Variants in SLC4A4 observed in about 807,000 individuals in gnomAD.
SLC4A4 encodes the protein electrogenic sodium bicarbonate cotransporter 1.
In SLC4A4, 27 loss-of-function variants were observed where a neutral mutation model predicts 111.5. The ratio of observed to expected loss-of-function variants is 0.24; its 90% CI spans 0.18 to 0.33. SLC4A4 has a LOEUF of 0.33. Ranked by LOEUF, SLC4A4 falls within the 10% of genes least tolerant of loss-of-function variation. The pLI is 1.00. For missense variants in SLC4A4, 909 were observed against 1,315.5 expected, an observed-to-expected ratio of 0.69 and a Z score of 4.78; for synonymous variants, 443 against 463.4, an observed-to-expected ratio of 0.96 and a Z score of 0.57.
At chr4:71,438,587 A>G (rs1724381902) in intron 7 of SLC4A4, among the ~76,000 whole-genome samples, 1 of 152,236 alleles carries the variant, frequency 6.6e-6, no homozygotes, top group Non-Finnish European at 1.5e-5. Flanking sequence ...AAAGCTTAGA[A>G]GTCCTCAATT....
chr4:71,069,536 G>A (rs1335246095), intron 1 of SLC4A4, among the ~76,000 whole-genome samples: 2 of 152,096 alleles, frequency 1.3e-5, no homozygotes, highest in African/African-American at 4.8e-5. Context: ...TTCTTGTTAA[G>A]CTGCTGTTTA....
chr4:71,299,606 G>A (rs1028081767), intron 3 of SLC4A4, among the ~76,000 whole-genome samples: 3 of 152,206 alleles, frequency 2.0e-5, no homozygotes, highest in Non-Finnish European at 2.9e-5. Context: ...TCTCTGAGAT[G>A]AGTCAAGCCC....
intron 7 of SLC4A4, among the ~76,000 whole-genome samples, chr4:71,419,225 C>A (rs1401141262): frequency 6.6e-6 from 1 of 152,204 alleles, no homozygotes; most frequent in Non-Finnish European, 1.5e-5. Context: ...CTCTTCAAAG[C>A]TGTCAGACAG....
intron 16 of SLC4A4, among the ~76,000 whole-genome samples, chr4:71,517,862 G>C (rs1235082507): frequency 6.8e-6 from 1 of 147,366 alleles, no homozygotes; most frequent in Non-Finnish European, 1.5e-5. Flanking sequence ...GGCTGACCTG[G>C]TTCTTGTGTA....
Position 71,349,807 on chromosome 4 carries a change from C to T in SLC4A4, c.390-105C>T. On this transcript the variant is annotated intron_variant, in intron 4 of 25. Transcript: ENST00000264485. ...GCTATTAATACTCCACAAAAAGAGACATTTTGGAAGTGCTGGAAGGGGTGA... is the reference window on the plus strand; with the variant it reads ...GCTATTAATACTCCACAAAAAGAGATATTTTGGAAGTGCTGGAAGGGGTGA... 3.0e-6 allele frequency: 3 copies of T among 1,013,904 alleles called. No individual in the cohort carries two copies. The East Asian group carries it at 7.2e-5, about 24-fold the overall frequency. The allele number at this position is 1,013,904 out of a possible 1,614,324, so 62.8% of individuals were successfully genotyped here.
At position 71,154,579 on chromosome 4, in the gene SLC4A4, G is replaced by A. The variant is rs184779491; in HGVS notation, c.-2+61787G>A. Among the ~76,000 whole-genome samples the A allele has an allele frequency of 2.8e-4, 43 of 152,282 alleles. No homozygotes were observed. The East Asian group carries it at 4.8e-3, about 17-fold the overall frequency. ...TCTGGGTAAGTTAGTTAACAACCGG[G>A]ATTGATAGAATTGGGTAATTATTAT... On this transcript the variant is annotated intron_variant, in intron 2 of 26. Transcript: ENST00000649996.
At chr4:71,364,268 C>T (rs1258475407) in intron 6 of SLC4A4, among the ~76,000 whole-genome samples, 1 of 152,160 alleles carries the variant, frequency 6.6e-6, no homozygotes. Context: ...GAGCAATTTA[C>T]ATAATCTCTT....
At chr4:71,201,463 G>T (rs1268187097) in intron 1 of SLC4A4, among the ~76,000 whole-genome samples, 1 of 152,210 alleles carries the variant, frequency 6.6e-6, no homozygotes, top group Admixed American at 6.5e-5. Flanking sequence ...CCTCTGTTCT[G>T]CAGGGGAGAT....
At chr4:71,340,224 A>C (rs528189211) in intron 4 of SLC4A4, among the ~76,000 whole-genome samples, 4 of 152,122 alleles carry the variant, frequency 2.6e-5, no homozygotes, top group African/African-American at 9.7e-5. Flanking sequence ...ACCCTGCCTC[A>C]AAAAATTAAA....
chr4:71,198,196 C>T (rs1037090403), intron 1 of SLC4A4, among the ~76,000 whole-genome samples: 2 of 152,106 alleles, frequency 1.3e-5, no homozygotes, highest in African/African-American at 4.8e-5. Flanking sequence ...CATGTCATTA[C>T]CTTACAATAT....
At chr4:71,479,752 A>G (rs1247412354) in intron 14 of SLC4A4, among the ~76,000 whole-genome samples, 2 of 151,688 alleles carry the variant, frequency 1.3e-5, no homozygotes, top group African/African-American at 4.8e-5. Context: ...ACATTTTATC[A>G]TTTATGGTAA....
chr4:71,226,619 A>G lies in SLC4A4; in HGVS notation c.-1-9957A>G, dbSNP rs532469946. On this transcript the variant is annotated intron_variant, in intron 1 of 25. Coordinates refer to ENST00000264485, the MANE Select transcript of SLC4A4 (RefSeq NM_001098484.3). Reference sequence around the variant, plus strand: ...ATAAACATAATACTCTTCAGGGAGTATAGCACAGCCATTTTCCCCCCTTTC... The same window carrying G: ...ATAAACATAATACTCTTCAGGGAGTGTAGCACAGCCATTTTCCCCCCTTTC... 5.3e-4 allele frequency among the ~76,000 whole-genome samples: 81 copies of G among 152,338 alleles called. 1 individual carries two copies. The Middle Eastern group carries it at 0.014, about 26-fold the overall frequency.
At chr4:71,155,848 G>A (rs1242674261) in intron 2 of SLC4A4, among the ~76,000 whole-genome samples, 3 of 152,226 alleles carry the variant, frequency 2.0e-5, no homozygotes, top group Middle Eastern at 3.4e-3. Flanking sequence ...GCACTCTTAA[G>A]TGCATAAATT....
At chr4:71,144,130 G>A (rs1189826207) in intron 2 of SLC4A4, among the ~76,000 whole-genome samples, 1 of 152,182 alleles carries the variant, frequency 6.6e-6, no homozygotes, top group Non-Finnish European at 1.5e-5. Context: ...TGTATAAGGT[G>A]TAAGAAAGGG....
intron 12 of SLC4A4, among the ~76,000 whole-genome samples, chr4:71,459,128 T>C (rs904814687): frequency 1.3e-5 from 2 of 152,150 alleles, no homozygotes; most frequent in Non-Finnish European, 2.9e-5. Context: ...TCCTGTTTGA[T>C]TGAGGTTAAG....
In SLC4A4 at chr4:71,188,368, C is replaced by T. The variant is rs2148992752; in HGVS notation, c.-2+967C>T. Among the ~76,000 whole-genome samples the T allele has an allele frequency of 1.3e-5, 2 of 152,222 alleles. 1 individual carries two copies. The highest frequency in any genetic ancestry group is 4.1e-4 in the South Asian group (2 of 4,826). On this transcript the variant is annotated intron_variant, in intron 1 of 25. Coordinates refer to ENST00000264485, the MANE Select transcript of SLC4A4 (RefSeq NM_001098484.3). Reference sequence around the variant, plus strand: ...GCCCTACCTTCTCAGCATAATTGATCGCAGCAAGCTCTTTCCAACTTGACA... The same window carrying T: ...GCCCTACCTTCTCAGCATAATTGATTGCAGCAAGCTCTTTCCAACTTGACA...
chr4:71,264,980 C>G (rs990682213), intron 3 of SLC4A4, among the ~76,000 whole-genome samples: 10 of 152,176 alleles, frequency 6.6e-5, no homozygotes, highest in Non-Finnish European at 1.5e-4. Context: ...GTTTTGTGAG[C>G]TATTGTTTGC....
Position 71,560,245 on chromosome 4 carries a change from C to A in SLC4A4, c.3090C>A (p.Asp1030Glu), listed in dbSNP as rs1225906931. The A allele has an allele frequency of 1.2e-6, 2 of 1,607,168 alleles. No individual in the cohort carries two copies. Among genetic ancestry groups the A allele is most frequent in the Admixed American group, 1.7e-5 (1 of 59,278 alleles). Reference sequence around the variant, plus strand: ...AGAAGAAGGGAAGTCTGGACAGTGACAATGATGATGTAAGGAACTTTCCAA... The same window carrying A: ...AGAAGAAGGGAAGTCTGGACAGTGAAAATGATGATGTAAGGAACTTTCCAA... ...KKKKKGSLDS[D>E]NDDSDCPYSE... Residue 1030 changes from aspartate (D) to glutamate (E), a missense_variant, in exon 23 of 26, where the codon GAC becomes GAA. Coordinates refer to ENST00000264485, the MANE Select transcript of SLC4A4 (RefSeq NM_001098484.3).
rs185691939 is a variant in SLC4A4, at chr4:71,548,795, C to T, written c.2694+1075C>T. On this transcript the variant is annotated intron_variant, in intron 20 of 25. Coordinates refer to ENST00000264485, the MANE Select transcript of SLC4A4 (RefSeq NM_001098484.3). ...TAGTGAAAAGCAAAAGCCCTCTGTTCATCTAAAGTTAGCAAATTTTATGTC... is the reference window on the plus strand; with the variant it reads ...TAGTGAAAAGCAAAAGCCCTCTGTTTATCTAAAGTTAGCAAATTTTATGTC... Among the ~76,000 whole-genome samples the T allele has an allele frequency of 1.8e-4, 27 of 152,008 alleles. No individual in the cohort carries two copies. The East Asian group carries it at 3.1e-3, about 18-fold the overall frequency.
Sources: allele counts gnomAD v4.1 joint callset (sites outside exome capture counted in the v4.1 genomes callset), GRCh38; gene constraint gnomAD v4.1.1; transcripts MANE v1.5; gene names NCBI Gene and HGNC (gene_info 2026-07-23, HGNC 2026-07-21).